The following GTF2H3 variants were observed in gnomAD, a reference collection of about 807,000 sequenced individuals.
The protein encoded by GTF2H3 is general transcription factor IIH subunit 3, also known as TFIIH basal transcription factor complex p34 subunit.
GTF2H3 carries 42 observed loss-of-function variants against 51.1 expected under a neutral mutation model. The observed-to-expected ratio is 0.82, with a 90% CI of 0.64 to 1.06. The LOEUF (loss-of-function observed/expected upper bound fraction) is 1.06. Among genes scored for constraint, GTF2H3 ranks in the 50% least tolerant of loss-of-function variants. GTF2H3 has a pLI of 0.00. For missense variants in GTF2H3, 326 were observed against 366.1 expected (o/e 0.89, Z 0.89); for synonymous variants, 123 against 123.8 (o/e 0.99, Z 0.04).
intron 9 of GTF2H3, 139 bp downstream of exon 9, chr12:123,655,963 C>A: frequency 1.7e-6 from 1 of 572,200 alleles, no homozygotes; most frequent in South Asian, 2.7e-5. Context: ...CTATGTCTTT[C>A]CCCCTTACGT....
intron 6 of GTF2H3, 36 bp from the exon 7 acceptor site, chr12:123,652,671 T>G: frequency 6.5e-7 from 1 of 1,541,004 alleles, no homozygotes; most frequent in Non-Finnish European, 8.9e-7. Context: ...TTAGTAAGAT[T>G]TAGTTAAATT....
At chr12:123,653,375 T>C (rs1955543284) in intron 7 of GTF2H3, among the ~76,000 whole-genome samples, 1 of 151,306 alleles carries the variant, frequency 6.6e-6, no homozygotes, top group African/African-American at 2.4e-5. Flanking sequence ...AAAAAAGAAA[T>C]TCAAGGCTGA....
rs1409678267 is a variant in GTF2H3, at chr12:123,660,684, T to C, written c.*449T>C. Reference sequence around the variant, plus strand: ...ATCTTATTTGAATCAACAGTTAACTTCAGTAGTCATGTGAATAAAATTCTT... The same window carrying C: ...ATCTTATTTGAATCAACAGTTAACTCCAGTAGTCATGTGAATAAAATTCTT... On this transcript the variant is annotated 3_prime_UTR_variant, in exon 13 of 13. Coordinates refer to ENST00000543341, the MANE Select transcript of GTF2H3 (RefSeq NM_001516.5). 1 of 152,892 alleles carries C rather than the reference T, an allele frequency of 6.5e-6. No individual in the cohort carries two copies. The highest frequency in any genetic ancestry group is 1.5e-5 in the Non-Finnish European group (1 of 68,570). The allele number at this position is 152,892 out of a possible 1,614,324, so 9.5% of individuals were successfully genotyped here.
intron 12 of GTF2H3, 29 bp from the exon 13 acceptor site, chr12:123,660,137 A>G: frequency 6.2e-7 from 1 of 1,606,702 alleles, no homozygotes; most frequent in Non-Finnish European, 8.5e-7. Context: ...CTAGAACATT[A>G]AAAAATGTTT....
At position 123,661,614 on chromosome 12, in the gene GTF2H3, C is replaced by T. The variant is rs1002967366; in HGVS notation, c.*1379C>T. The T allele has an allele frequency of 4.9e-5, 7 of 142,346 alleles. No homozygotes were observed. Among genetic ancestry groups the T allele is most frequent in the Non-Finnish European group, 1.0e-4 (7 of 67,170 alleles). 8.8% of individuals were successfully genotyped at this position (142,346 alleles called of 1,614,324 possible). On this transcript the variant is annotated 3_prime_UTR_variant, in exon 13 of 13. Coordinates refer to ENST00000543341, the MANE Select transcript of GTF2H3 (RefSeq NM_001516.5). ...CAAGATAGCGCCTCTGTACTCCAGC[C>T]TGGGTGACAGAGCGAGACTCTGTAT...
intron 3 of GTF2H3, among the ~76,000 whole-genome samples, chr12:123,646,879 C>T (rs1269347977): frequency 2.0e-5 from 3 of 149,844 alleles, no homozygotes; most frequent in African/African-American, 4.9e-5. Context: ...TGGCTGGGTG[C>T]GGTGGCTCAT....
At chr12:123,643,952 T>C (rs1318125182) in intron 2 of GTF2H3, among the ~76,000 whole-genome samples, 1 of 152,100 alleles carries the variant, frequency 6.6e-6, no homozygotes, top group Admixed American at 6.6e-5. Context: ...CACCTCAGCA[T>C]CCCGAGAAGC....
At chr12:123,648,401 C>G in intron 4 of GTF2H3, 1 of 227,796 alleles carries the variant, frequency 4.4e-6, no homozygotes, top group Non-Finnish European at 8.4e-6. Context: ...TTCATAGTCT[C>G]TATTTCTGGC....
chr12:123,655,815 C>G lies in GTF2H3; in HGVS notation c.606C>G (p.Leu202=), dbSNP rs1227568166. ...GTGTTTTAGACTCCGACTCAGGGCT[C>G]CTCCAACAGGTATGTTTTAAAACCA... is the stretch of plus-strand genomic sequence containing the variant. ...DACVLDSDSG[L]LQQACDITGG... is the part of the protein sequence containing the mutation. Residue 202 remains leucine, a synonymous_variant, in exon 9 of 13, where the codon CTC becomes CTG. Transcript: ENST00000543341. 3.8e-6 allele frequency: 6 copies of G among 1,594,058 alleles called. No individual in the cohort carries two copies. Among genetic ancestry groups the G allele is most frequent in the Non-Finnish European group, 5.2e-6 (6 of 1,163,442 alleles).
chr12:123,643,166 C>T (rs1955402144), intron 2 of GTF2H3, among the ~76,000 whole-genome samples: 2 of 152,224 alleles, frequency 1.3e-5, no homozygotes, highest in African/African-American at 4.8e-5. Context: ...GTGTGAGCTA[C>T]TACGCCCGGC....
intron 1 of GTF2H3, among the ~76,000 whole-genome samples, chr12:123,634,951 T>G (rs576029061): frequency 3.3e-5 from 5 of 152,202 alleles, no homozygotes; most frequent in African/African-American, 1.2e-4. Flanking sequence ...TCACTGTGGC[T>G]GTTGTGTGGA....
chr12:123,637,242 G>A (rs1420155875), intron 1 of GTF2H3, among the ~76,000 whole-genome samples: 2 of 152,096 alleles, frequency 1.3e-5, no homozygotes, highest in African/African-American at 2.4e-5. Flanking sequence ...GTGAAAGTTT[G>A]TTGAAGGATT....
intron 8 of GTF2H3, 144 bp from the exon 9 acceptor site, chr12:123,655,627 C>G (rs1187574922): frequency 3.4e-6 from 2 of 580,844 alleles, no homozygotes; most frequent in Non-Finnish European, 6.2e-6. Flanking sequence ...CTTCAGCTGC[C>G]AAATGCAAAT....
chr12:123,657,091 T>G (rs1593814051), intron 9 of GTF2H3, among the ~76,000 whole-genome samples: 1 of 151,918 alleles, frequency 6.6e-6, no homozygotes, highest in Non-Finnish European at 1.5e-5. Flanking sequence ...GAAAAAAAAA[T>G]GTGAAAGTTG....
chr12:123,635,565 TC>T (rs1955268909), intron 1 of GTF2H3, among the ~76,000 whole-genome samples: 1 of 115,008 alleles, frequency 8.7e-6, no homozygotes, highest in South Asian at 3.0e-4. Context: ...AGAGCAAGTC[TC>T]CGTCGCAAAA....
At chr12:123,634,858 GCCTTTATTTTTA>G (rs1358607660) in intron 1 of GTF2H3, among the ~76,000 whole-genome samples, 60 of 152,340 alleles carry the variant, frequency 3.9e-4, no homozygotes, top group African/African-American at 1.3e-3. Flanking sequence ...AGAGAAGTTG[GCCTTTATTTTTA>G]GGTGCAATAC....
chr12:123,637,930 T>C (rs1191657177), intron 1 of GTF2H3, among the ~76,000 whole-genome samples: 2 of 152,186 alleles, frequency 1.3e-5, no homozygotes, highest in African/African-American at 4.8e-5. Flanking sequence ...TTCCTACTAC[T>C]AGTTAACCAG....
At chr12:123,659,321 T>G in intron 9 of GTF2H3, 195 bp from the exon 10 acceptor site, 1 of 563,558 alleles carries the variant, frequency 1.8e-6, no homozygotes, top group Non-Finnish European at 3.2e-6. Flanking sequence ...AAGCCGAGAT[T>G]GTGCCACTGC....
intron 7 of GTF2H3, among the ~76,000 whole-genome samples, chr12:123,653,204 A>G (rs185209447): frequency 6.6e-6 from 1 of 152,318 alleles, no homozygotes; most frequent in East Asian, 1.9e-4. Flanking sequence ...AAAACTGATG[A>G]TAAGGAAAAC....
Sources: allele counts gnomAD v4.1 joint callset (sites outside exome capture counted in the v4.1 genomes callset), GRCh38; gene constraint gnomAD v4.1.1; transcripts MANE v1.5; gene names NCBI Gene and HGNC (gene_info 2026-07-23, HGNC 2026-07-21).